Variants in MCPH1 observed in about 807,000 individuals in gnomAD.
MCPH1 encodes the protein microcephalin 1.
In MCPH1, 104 loss-of-function variants were observed where a neutral mutation model predicts 84.5. The observed-to-expected ratio is 1.23, with a 90% confidence interval of 1.05 to 1.45. The LOEUF (loss-of-function observed/expected upper bound fraction) is 1.45. MCPH1 is among the 40% of genes most tolerant of loss of function. The pLI, the probability that MCPH1 is intolerant of heterozygous loss-of-function variation, is 0.00. For missense variants in MCPH1, 1,498 were observed against 1,005.7 expected (o/e 1.49, Z -6.62); for synonymous variants, 514 against 366.8 (o/e 1.40, Z -4.58).
intron 12 of MCPH1, among the ~76,000 whole-genome samples, chr8:6,539,625 C>T (rs930085494): frequency 5.9e-5 from 9 of 152,102 alleles, no homozygotes; most frequent in East Asian, 1.9e-4. Context: ...CTCGCTCTGT[C>T]TCTCAGGCTG....
intron 3 of MCPH1, among the ~76,000 whole-genome samples, chr8:6,418,853 T>C (rs1799709375): frequency 6.6e-6 from 1 of 152,210 alleles, no homozygotes; most frequent in South Asian, 2.1e-4. Context: ...GTACTGGGAT[T>C]GTAGGCGTGA....
intron 6 of MCPH1, among the ~76,000 whole-genome samples, chr8:6,439,363 CT>C (rs201822930): frequency 5.9e-5 from 4 of 67,936 alleles, no homozygotes; most frequent in Non-Finnish European, 9.0e-5. Flanking sequence ...TTTTTTCTTT[CT>C]TTTTTTTTAA....
At chr8:6,412,680 T>C (rs1004304412) in intron 2 of MCPH1, among the ~76,000 whole-genome samples, 15 of 152,208 alleles carry the variant, frequency 9.9e-5, no homozygotes, top group Admixed American at 9.2e-4. Flanking sequence ...TAGTGTGTAC[T>C]AAATTTGATA....
rs73511060 is a variant in MCPH1, at chr8:6,612,738, T to C, written c.2215-8716T>C. 6.3e-3 allele frequency among the ~76,000 whole-genome samples: 966 copies of C among 152,330 alleles called. 8 individuals carry two copies. Among genetic ancestry groups the C allele is most frequent in the African/African-American group, 0.022 (911 of 41,568 alleles). On this transcript the variant is annotated intron_variant, in intron 12 of 13. Transcript: ENST00000344683. Reference sequence around the variant, plus strand: ...TCACCTGCTTTTGCTATCTGCACTTTCCATGTCCTGCTCCTTCTCCCAGCT... The same window carrying C: ...TCACCTGCTTTTGCTATCTGCACTTCCCATGTCCTGCTCCTTCTCCCAGCT...
At chr8:6,538,740 A>G (rs1377135499) in intron 12 of MCPH1, among the ~76,000 whole-genome samples, 1 of 152,228 alleles carries the variant, frequency 6.6e-6, no homozygotes, top group Non-Finnish European at 1.5e-5. Context: ...AAATCTCCAC[A>G]GACAATAGGT....
At chr8:6,575,052 G>A (rs1826957076) in intron 12 of MCPH1, among the ~76,000 whole-genome samples, 1 of 152,198 alleles carries the variant, frequency 6.6e-6, no homozygotes, top group South Asian at 2.1e-4. Context: ...GGGCTCGGAA[G>A]GGGAGAGCTA....
chr8:6,515,843 C>G (rs532666268), intron 12 of MCPH1, among the ~76,000 whole-genome samples: 1 of 152,290 alleles, frequency 6.6e-6, no homozygotes, highest in Admixed American at 6.5e-5. Context: ...ACACTGTTCT[C>G]TGTTTACGAG....
At chr8:6,613,095 C>G (rs1042084007) in intron 12 of MCPH1, among the ~76,000 whole-genome samples, 1 of 152,148 alleles carries the variant, frequency 6.6e-6, no homozygotes, top group African/African-American at 2.4e-5. Context: ...GGGTTCCTCT[C>G]CAGCAGCCTG....
chr8:6,635,912 C>A (rs1797513889), intron 13 of MCPH1, among the ~76,000 whole-genome samples: 1 of 152,234 alleles, frequency 6.6e-6, no homozygotes, highest in South Asian at 2.1e-4. Flanking sequence ...GCGGTCTCTG[C>A]TGATGCCACT....
At chr8:6,484,582 C>T (rs2129560281) in intron 11 of MCPH1, among the ~76,000 whole-genome samples, 1 of 152,378 alleles carries the variant, frequency 6.6e-6, no homozygotes, top group Admixed American at 6.5e-5. Context: ...ATATTTGTAG[C>T]AGCCTTACTT....
intron 12 of MCPH1, among the ~76,000 whole-genome samples, chr8:6,523,300 A>G (rs1817716400): frequency 6.6e-6 from 1 of 152,060 alleles, no homozygotes; most frequent in Admixed American, 6.6e-5. Context: ...CCTGGCAGAA[A>G]AGCTTTTTAA....
chr8:6,478,893 G>A (rs796980714), intron 10 of MCPH1, among the ~76,000 whole-genome samples: 44 of 152,220 alleles, frequency 2.9e-4, no homozygotes, highest in African/African-American at 9.4e-4. Context: ...GAATTTAAAA[G>A]CATGATATAA....
chr8:6,523,750 G>C (rs1817805635), intron 12 of MCPH1, among the ~76,000 whole-genome samples: 1 of 152,158 alleles, frequency 6.6e-6, no homozygotes, highest in South Asian at 2.1e-4. Context: ...ACCACGCCCA[G>C]CTAATTTTTT....
chr8:6,627,027 C>T, intron 13 of MCPH1: 2 of 984,516 alleles, frequency 2.0e-6, no homozygotes, highest in Non-Finnish European at 2.4e-6. Context: ...TTTCTTATAA[C>T]TTATAAAGAA....
At chr8:6,550,832 G>A (rs1823518782) in intron 12 of MCPH1, among the ~76,000 whole-genome samples, 1 of 152,166 alleles carries the variant, frequency 6.6e-6, no homozygotes, top group Non-Finnish European at 1.5e-5. Context: ...GTAAGCACAT[G>A]GCGTGCACCT....
At chr8:6,413,401 G>T in intron 2 of MCPH1, among the ~76,000 whole-genome samples, 1 of 149,694 alleles carries the variant, frequency 6.7e-6, no homozygotes, top group South Asian at 2.1e-4. Flanking sequence ...TCTTGTGCTG[G>T]GCCTTTGTGG....
chr8:6,446,432 C>T (rs781394825), intron 8 of MCPH1: 14 of 985,270 alleles, frequency 1.4e-5, no homozygotes, highest in Non-Finnish European at 1.7e-5. Context: ...TCATCACAGA[C>T]ATGTTACATA....
At chr8:6,458,340 C>T (rs904453836) in intron 9 of MCPH1, among the ~76,000 whole-genome samples, 1 of 151,704 alleles carries the variant, frequency 6.6e-6, no homozygotes, top group Non-Finnish European at 1.5e-5. Context: ...GGCGTAGTGG[C>T]GGGCGCCTGT....
At chr8:6,460,157 T>C (rs1491003801) in intron 9 of MCPH1, among the ~76,000 whole-genome samples, 1 of 152,064 alleles carries the variant, frequency 6.6e-6, no homozygotes, top group African/African-American at 2.4e-5. Flanking sequence ...ACGCCTCCAT[T>C]GCTGGGAACG....
Sources: allele counts gnomAD v4.1 joint callset (sites outside exome capture counted in the v4.1 genomes callset), GRCh38; gene constraint gnomAD v4.1.1; transcripts MANE v1.5; gene names NCBI Gene and HGNC (gene_info 2026-07-23, HGNC 2026-07-21).